ARHGEF4: variants seen among roughly 807,000 people sequenced by gnomAD.
The protein encoded by ARHGEF4 is Rho guanine nucleotide exchange factor 4.
ARHGEF4 carries 119 observed loss-of-function variants against 162.0 expected under a neutral mutation model. That is an observed-to-expected ratio of 0.73 (90% CI 0.63 to 0.86). The LOEUF (loss-of-function observed/expected upper bound fraction) is 0.86. Ranked by LOEUF, ARHGEF4 falls within the 40% of genes least tolerant of loss-of-function variation. The pLI is 0.00. For missense variants in ARHGEF4, 2,488 were observed against 2,456.0 expected (o/e 1.01, Z -0.28); for synonymous variants, 1,014 against 979.9 (o/e 1.03, Z -0.65).
Position 130,917,290 on chromosome 2 carries a change from TCTC to T in ARHGEF4, c.3346_3348del (p.Ser1116del). On this transcript the variant is annotated inframe_deletion, in exon 2 of 14. Transcript: ENST00000409359. ...CACTACCCCGGGAGGGGTAGCGCCA[TCTC>T]CATGGTTTCTCTTGGAAGCTACAGC... 5 of 1,550,406 alleles carry T rather than the reference TCTC, an allele frequency of 3.2e-6. No homozygotes were observed. Among genetic ancestry groups the T allele is most frequent in the Non-Finnish European group, 4.4e-6 (5 of 1,146,944 alleles).
At chr2:131,022,411 C>T (rs1274525603) in intron 4 of ARHGEF4, among the ~76,000 whole-genome samples, 1 of 151,880 alleles carries the variant, frequency 6.6e-6, no homozygotes, top group Non-Finnish European at 1.5e-5. Context: ...AGAAATTTTC[C>T]ATTTCATCTA....
At chr2:130,880,503 C>T (rs1679122228) in intron 1 of ARHGEF4, among the ~76,000 whole-genome samples, 1 of 152,166 alleles carries the variant, frequency 6.6e-6, no homozygotes, top group African/African-American at 2.4e-5. Context: ...TCCCATTTGT[C>T]TTAGCTGTCC....
At chr2:130,957,692 C>G (rs1215626203) in intron 4 of ARHGEF4, among the ~76,000 whole-genome samples, 2 of 152,126 alleles carry the variant, frequency 1.3e-5, no homozygotes, top group East Asian at 3.9e-4. Context: ...GTAATTAGAT[C>G]ATGAAGGTGG....
In ARHGEF4 at chr2:130,914,353, GC is replaced by G; in HGVS notation, c.408del (p.Leu137Ter). 1 of 1,456,614 alleles carries G rather than the reference GC, an allele frequency of 6.9e-7. No individual in the cohort carries two copies. The highest frequency in any genetic ancestry group is 9.0e-7 in the Non-Finnish European group (1 of 1,110,244). 90.2% of individuals were successfully genotyped at this position (1,456,614 alleles called of 1,614,324 possible). Reference protein sequence around the residue: ...HAKEELDLSPSLEDDSCKNGW... With the variant: ...HAKEELDLSPXLEDDSCKNGW... ...AAGGAAGAACTCGATTTGTCCCCTAGCTTAGAGGATGACTCTTGCAAAAATG... is the reference window on the plus strand; with the variant it reads ...AAGGAAGAACTCGATTTGTCCCCTAGTTAGAGGATGACTCTTGCAAAAATG... On this transcript the variant is annotated frameshift_variant, in exon 2 of 14. Coordinates refer to ENST00000409359, the MANE Select transcript of ARHGEF4 (RefSeq NM_001367493.1). LOFTEE classifies it high-confidence loss of function.
chr2:130,871,792 C>A (rs11899834), intron 1 of ARHGEF4, among the ~76,000 whole-genome samples: 5,490 of 152,236 alleles, frequency 0.036, 338 homozygotes, highest in African/African-American at 0.12. Context: ...ACCTTTTGAA[C>A]CCTCATTAAT....
At chr2:130,899,450 C>A (rs1369020285) in intron 1 of ARHGEF4, among the ~76,000 whole-genome samples, 1 of 152,146 alleles carries the variant, frequency 6.6e-6, no homozygotes, top group African/African-American at 2.4e-5. Flanking sequence ...CTAAGTTGAG[C>A]CTGAAATGAT....
In ARHGEF4 at chr2:131,041,294, C is replaced by G; in HGVS notation, c.4727C>G (p.Ser1576Cys). 3 of 1,613,946 alleles carry G rather than the reference C, an allele frequency of 1.9e-6. No homozygotes were observed. Among genetic ancestry groups the G allele is most frequent in the Non-Finnish European group, 2.5e-6 (3 of 1,180,024 alleles). Reference sequence around the variant, plus strand: ...CACCCCAACGCCTGCGTGGAGCTCTCCCGGCTCACCAAGCTCAGCAAGTAC... The same window carrying G: ...CACCCCAACGCCTGCGTGGAGCTCTGCCGGCTCACCAAGCTCAGCAAGTAC... ...NNHPNACVEL[S>C]RLTKLSKYVY... The change falls in exon 9 of 14, where the codon TCC becomes TGC. Residue 1576 changes from serine (S) to cysteine (C), a missense_variant. Ser to Cys is a moderately radical substitution (Grantham distance 112). Around this residue, in one of 6 missense-constraint regions of ARHGEF4, gnomAD observed 415 missense variants for 512.4 expected, o/e 0.81. Transcript: ENST00000409359.
At position 131,046,460 on chromosome 2, in the gene ARHGEF4, T is replaced by A. The variant is rs895171733; in HGVS notation, c.*271T>A. 4 of 437,722 alleles carry A rather than the reference T, an allele frequency of 9.1e-6. No individual in the cohort carries two copies. The highest frequency in any genetic ancestry group is 8.0e-5 in the African/African-American group (4 of 50,034). The allele number at this position is 437,722 out of a possible 1,614,324, so 27.1% of individuals were successfully genotyped here. A position where few individuals can be genotyped will look rare whatever the true frequency, so the allele number is the denominator to read the frequency against. ...GCCCCATCCGCCCTCTGGACCTGTGTAGGGCCTCACTGCTGGAGCGGGGAA... is the reference window on the plus strand; with the variant it reads ...GCCCCATCCGCCCTCTGGACCTGTGAAGGGCCTCACTGCTGGAGCGGGGAA... On this transcript the variant is annotated 3_prime_UTR_variant, in exon 14 of 14. Coordinates refer to ENST00000409359, the MANE Select transcript of ARHGEF4 (RefSeq NM_001367493.1).
chr2:130,873,851 G>A (rs1440937682), intron 1 of ARHGEF4, among the ~76,000 whole-genome samples: 1 of 152,038 alleles, frequency 6.6e-6, no homozygotes, highest in African/African-American at 2.4e-5. Flanking sequence ...TTTCATCCAG[G>A]CCGCTTTGCA....
intron 4 of ARHGEF4, among the ~76,000 whole-genome samples, chr2:130,982,781 C>T (rs1225650025): frequency 1.3e-5 from 2 of 152,142 alleles, no homozygotes; most frequent in East Asian, 1.9e-4. Context: ...ATTCCTACTG[C>T]CTTGTTTCAT....
At chr2:131,040,749 G>A (rs1435917100) in intron 8 of ARHGEF4, among the ~76,000 whole-genome samples, 5 of 152,214 alleles carry the variant, frequency 3.3e-5, no homozygotes, top group African/African-American at 7.2e-5. Context: ...TTCAGAGTGA[G>A]CTCTGGGGTT....
intron 4 of ARHGEF4, among the ~76,000 whole-genome samples, chr2:130,994,537 A>C (rs997812584): frequency 6.6e-6 from 1 of 151,996 alleles, no homozygotes; most frequent in Non-Finnish European, 1.5e-5. Context: ...AATTCTCTAC[A>C]TTTTTTTCAC....
intron 4 of ARHGEF4, among the ~76,000 whole-genome samples, chr2:131,004,909 A>G (rs1252391919): frequency 6.6e-6 from 1 of 152,130 alleles, no homozygotes; most frequent in African/African-American, 2.4e-5. Flanking sequence ...CCTCCTCCAA[A>G]GTTTGGTTTG....
chr2:130,961,715 A>G (rs1018415949), intron 4 of ARHGEF4, among the ~76,000 whole-genome samples: 1 of 152,064 alleles, frequency 6.6e-6, no homozygotes, highest in African/African-American at 2.4e-5. Flanking sequence ...TAAGAGAGAA[A>G]CGGACAACTT....
At chr2:131,021,693 C>G (rs527585402) in intron 4 of ARHGEF4, among the ~76,000 whole-genome samples, 21 of 152,306 alleles carry the variant, frequency 1.4e-4, no homozygotes, top group Non-Finnish European at 2.5e-4. Flanking sequence ...CCAGGACTTA[C>G]AGTACTATGT....
intron 4 of ARHGEF4, chr2:130,946,932 A>T: frequency 3.7e-6 from 1 of 273,162 alleles, no homozygotes; most frequent in Non-Finnish European, 7.4e-6. Context: ...GTGAAACCCC[A>T]TCTCTACTAA....
chr2:130,869,328 G>A (rs1682519843), intron 1 of ARHGEF4, among the ~76,000 whole-genome samples: 2 of 152,192 alleles, frequency 1.3e-5, no homozygotes, highest in Admixed American at 1.3e-4. Flanking sequence ...CTCAGGAGCT[G>A]TAACCCACAG....
At position 130,916,151 on chromosome 2, in the gene ARHGEF4, G is replaced by C. The variant is rs745441557; in HGVS notation, c.2205G>C (p.Glu735Asp). Residue 735 changes from glutamate (E) to aspartate (D), a missense_variant, in exon 2 of 14, where the codon GAG becomes GAC. Transcript: ENST00000409359. ...CGAGCACAGAGGAGCCCCCGGGAGA[G>C]AGACTGCGTGGGGAGAGCCGGAGCT... ...ETPSTEEPPG[E>D]RLRGESRSSG... 1.9e-6 allele frequency: 3 copies of C among 1,549,164 alleles called. 1 individual carries two copies. The African/African-American group carries it at 4.1e-5, about 21-fold the overall frequency.
rs555389699 is a variant in ARHGEF4, at chr2:131,004,721, C to G, written c.3986-23224C>G. ...GGCCTCACAGAACTCAGGTCCAGAT[C>G]TCTGTGAATGATGGAGAGGATGAAG... On this transcript the variant is annotated intron_variant, in intron 4 of 13. Coordinates refer to ENST00000409359, the MANE Select transcript of ARHGEF4 (RefSeq NM_001367493.1). 2.6e-5 allele frequency among the ~76,000 whole-genome samples: 4 copies of G among 152,144 alleles called. No individual in the cohort carries two copies. In the South Asian group the frequency reaches 8.3e-4, roughly 32 times the overall value.
Sources: gnomAD v4.1 joint callset for allele counts (sites outside exome capture counted in the v4.1 genomes callset) on GRCh38, gnomAD v4.1.1 for gene constraint, gnomAD v4.1.1 regional missense constraint, MANE v1.5 for transcripts, NCBI Gene and HGNC (gene_info 2026-07-23, HGNC 2026-07-21) for gene names.